LPAR3: variants seen among roughly 807,000 people sequenced by gnomAD.
LPAR3 encodes the protein lysophosphatidic acid receptor 3, also known as LPA receptor 3.
Under a neutral mutation model 17.8 loss-of-function variants are expected in LPAR3, and 7 were observed. The ratio of observed to expected loss-of-function variants is 0.39; its 90% confidence interval spans 0.22 to 0.74. The LOEUF is 0.74. Among genes scored for constraint, LPAR3 ranks in the 30% least tolerant of loss-of-function variants. LPAR3 has a pLI of 0.40. For missense variants in LPAR3, 391 were observed against 453.4 expected (o/e 0.86, Z 1.25); for synonymous variants, 179 against 179.9 (o/e 0.99, Z 0.04).
At chr1:84,851,819 G>T (rs529969718) in intron 2 of LPAR3, among the ~76,000 whole-genome samples, 69 of 152,318 alleles carry the variant, frequency 4.5e-4, no homozygotes, top group African/African-American at 1.6e-3. Flanking sequence ...AAGCAGCCTT[G>T]TAATCCCAAC....
intron 1 of LPAR3, among the ~76,000 whole-genome samples, chr1:84,874,018 G>C (rs1486201207): frequency 6.6e-6 from 1 of 152,254 alleles, no homozygotes; most frequent in East Asian, 1.9e-4. Context: ...CTCCCAAAGT[G>C]CTGGGATTAC....
In LPAR3 at chr1:84,866,774, A is replaced by C. The variant is rs1055905100; in HGVS notation, c.-18-636T>G. Reference sequence around the variant, plus strand: ...CTCCTTTTGCCATCTTTTGGTTTCAACAAACAACTCTGATATTCACATATT... The same window carrying C: ...CTCCTTTTGCCATCTTTTGGTTTCACCAAACAACTCTGATATTCACATATT... On this transcript the variant is annotated intron_variant, in intron 1 of 2. Transcript: ENST00000370611. Among the ~76,000 whole-genome samples, 96 of 152,284 alleles carry C rather than the reference A, an allele frequency of 6.3e-4. 1 individual carries two copies. Among genetic ancestry groups the C allele is most frequent in the South Asian group, 2.1e-4 (1 of 4,812 alleles).
intron 2 of LPAR3, among the ~76,000 whole-genome samples, chr1:84,858,229 C>T (rs1403457995): frequency 6.6e-6 from 1 of 152,054 alleles, no homozygotes; most frequent in African/African-American, 2.4e-5. Flanking sequence ...TGCCTGCAAT[C>T]CCAGCACTTT....
intron 1 of LPAR3, among the ~76,000 whole-genome samples, chr1:84,878,402 C>T (rs996514054): frequency 6.6e-6 from 1 of 152,080 alleles, no homozygotes; most frequent in African/African-American, 2.4e-5. Flanking sequence ...ACTTGGTTCT[C>T]AGCCCTCTCT....
At chr1:84,851,413 G>A (rs776397988) in intron 2 of LPAR3, among the ~76,000 whole-genome samples, 6 of 152,018 alleles carry the variant, frequency 3.9e-5, no homozygotes, top group Non-Finnish European at 7.4e-5. Context: ...AACATTTACT[G>A]AGTGCCTACT....
intron 1 of LPAR3, among the ~76,000 whole-genome samples, chr1:84,887,919 T>C (rs1307911187): frequency 6.6e-6 from 1 of 151,994 alleles, no homozygotes; most frequent in African/African-American, 2.4e-5. Context: ...AGAAGAGACA[T>C]TTGGGGGATA....
chr1:84,813,885 A>T lies in LPAR3; in HGVS notation c.1023T>A (p.Ser341Arg). The T allele has an allele frequency of 6.2e-7, 1 of 1,614,086 alleles. No homozygotes were observed. Among genetic ancestry groups the T allele is most frequent in the Non-Finnish European group, 8.5e-7 (1 of 1,180,008 alleles). Residue 341 changes from serine (S) to arginine (R), a missense_variant, in exon 3 of 3, where the codon AGT (serine) becomes AGA (arginine). By Grantham distance (110) the Ser-to-Arg change is moderately radical (BLOSUM62 -1). Coordinates refer to ENST00000370611, the MANE Select transcript of LPAR3 (RefSeq NM_012152.3). ...TATTGCAGACTGCACCTTGGCTAAT[A>T]CTATCCTCTATGTACTGGCTGCCTG... ...SDTGSQYIED[S>R]ISQGAVCNKS...
At chr1:84,823,480 A>G (rs1397335358) in intron 2 of LPAR3, among the ~76,000 whole-genome samples, 1 of 152,192 alleles carries the variant, frequency 6.6e-6, no homozygotes, top group African/African-American at 2.4e-5. Flanking sequence ...CATTCCATAA[A>G]TGATTCATTT....
At chr1:84,852,717 G>A (rs1347518138) in intron 2 of LPAR3, among the ~76,000 whole-genome samples, 1 of 152,158 alleles carries the variant, frequency 6.6e-6, no homozygotes, top group Non-Finnish European at 1.5e-5. Flanking sequence ...AAGGAACAAA[G>A]GGCATTTCAG....
intron 2 of LPAR3, among the ~76,000 whole-genome samples, chr1:84,852,830 G>A (rs990404594): frequency 7.2e-5 from 11 of 152,136 alleles, no homozygotes; most frequent in African/African-American, 2.4e-4. Flanking sequence ...ATAACAGGAA[G>A]GTCAAGGTAG....
At chr1:84,892,204 CTG>C (rs1660564902) in intron 1 of LPAR3, among the ~76,000 whole-genome samples, 1 of 148,022 alleles carries the variant, frequency 6.8e-6, no homozygotes, top group South Asian at 2.2e-4. Flanking sequence ...TAGTGCGAGA[CTG>C]TGTCTCAAAA....
At chr1:84,882,115 T>C (rs1276299997) in intron 1 of LPAR3, among the ~76,000 whole-genome samples, 1 of 152,168 alleles carries the variant, frequency 6.6e-6, no homozygotes, top group East Asian at 1.9e-4. Context: ...CCATTAGAAC[T>C]AATAAACTAA....
Position 84,813,762 on chromosome 1 carries a change from C to T in LPAR3, c.*84G>A, listed in dbSNP as rs906571985. ...AATGGAGACCTCAAATAACACTGTA[C>T]ATGGGCTTTGTTAGAGACAGGTAAT... On this transcript the variant is annotated 3_prime_UTR_variant, in exon 3 of 3. Transcript: ENST00000370611. 20 of 1,143,088 alleles carry T rather than the reference C, an allele frequency of 1.7e-5. No individual in the cohort carries two copies. Among genetic ancestry groups the T allele is most frequent in the Middle Eastern group, 2.0e-4 (1 of 4,920 alleles). 70.8% of individuals were successfully genotyped at this position (1,143,088 alleles called of 1,614,324 possible).
In LPAR3 at chr1:84,835,469, G is replaced by A. The variant is rs533191328; in HGVS notation, c.737-21298C>T. 5.9e-5 allele frequency among the ~76,000 whole-genome samples: 9 copies of A among 152,260 alleles called. No homozygotes were observed. The South Asian group carries it at 1.9e-3, about 32-fold the overall frequency. On this transcript the variant is annotated intron_variant, in intron 2 of 2. Transcript: ENST00000370611. Reference sequence around the variant, plus strand: ...CAAATGTGTGTACGTGTGTGTACGTGTGTGTACGTGTGTGTGTTTTATCTA... The same window carrying A: ...CAAATGTGTGTACGTGTGTGTACGTATGTGTACGTGTGTGTGTTTTATCTA...
intron 1 of LPAR3, among the ~76,000 whole-genome samples, chr1:84,889,378 G>A (rs1338781095): frequency 1.3e-5 from 2 of 152,122 alleles, no homozygotes; most frequent in African/African-American, 4.8e-5. Context: ...GAGTGAGGAT[G>A]GTATAGGTGG....
At chr1:84,881,405 G>A (rs547621835) in intron 1 of LPAR3, among the ~76,000 whole-genome samples, 1 of 152,252 alleles carries the variant, frequency 6.6e-6, no homozygotes, top group African/African-American at 2.4e-5. Flanking sequence ...CTAAATTAAA[G>A]CAATTATTTC....
intron 2 of LPAR3, among the ~76,000 whole-genome samples, chr1:84,850,243 C>T (rs185221884): frequency 4.2e-4 from 64 of 151,872 alleles, no homozygotes; most frequent in Middle Eastern, 3.4e-3. Context: ...AACCAGCCAC[C>T]GCACAAAGGA....
At position 84,865,500 on chromosome 1, in the gene LPAR3, C is replaced by G; in HGVS notation, c.621G>C (p.Leu207=). 1 of 1,614,154 alleles carries G rather than the reference C, an allele frequency of 6.2e-7. No homozygotes were observed. The highest frequency in any genetic ancestry group is 1.3e-5 in the African/African-American group (1 of 75,022). Reference sequence around the variant, plus strand: ...TCCTCTTGACGTACACGTAGATCCGCAGGTACACCACAACCATGATGAGGA... The same window carrying G: ...TCCTCTTGACGTACACGTAGATCCGGAGGTACACCACAACCATGATGAGGA... ...MAFLIMVVVY[L]RIYVYVKRKT... is the part of the protein sequence containing the mutation. Residue 207 remains leucine, a synonymous_variant, in exon 2 of 3, where the codon CTG becomes CTC. Coordinates refer to ENST00000370611, the MANE Select transcript of LPAR3 (RefSeq NM_012152.3).
chr1:84,817,749 C>T (rs1199077525), intron 2 of LPAR3, among the ~76,000 whole-genome samples: 1 of 149,744 alleles, frequency 6.7e-6, no homozygotes, highest in African/African-American at 2.5e-5. Flanking sequence ...TGTTGGATTC[C>T]TTTGGATTCC....
Sources: gnomAD v4.1 joint callset for allele counts (sites outside exome capture counted in the v4.1 genomes callset) on GRCh38, gnomAD v4.1.1 for gene constraint, MANE v1.5 for transcripts, NCBI Gene and HGNC (gene_info 2026-07-23, HGNC 2026-07-21) for gene names.